Variants in GULP1 observed in about 807,000 individuals in gnomAD.
The protein encoded by GULP1 is GULP PTB domain containing engulfment adaptor 1.
In GULP1, 19 loss-of-function variants were observed where a neutral mutation model predicts 40.9. The ratio of observed to expected loss-of-function variants is 0.46; its 90% CI spans 0.32 to 0.68. The LOEUF (loss-of-function observed/expected upper bound fraction) is 0.68. GULP1 is among the 30% of genes least tolerant of loss of function. The probability of loss-of-function intolerance (pLI) is 0.03; values close to 1 mark genes in which losing one functional copy is unlikely to be tolerated. For missense variants in GULP1, 312 were observed against 362.2 expected (o/e 0.86, Z 1.12); for synonymous variants, 119 against 117.6 (o/e 1.01, Z -0.08).
intron 6 of GULP1, among the ~76,000 whole-genome samples, chr2:188,532,835 C>T (rs1575835058): frequency 1.3e-5 from 2 of 151,332 alleles, no homozygotes; most frequent in Non-Finnish European, 2.9e-5. Context: ...GCAGGAGAAT[C>T]GCTTGAACCC....
At chr2:188,355,145 A>G (rs984174964) in intron 1 of GULP1, among the ~76,000 whole-genome samples, 1 of 152,180 alleles carries the variant, frequency 6.6e-6, no homozygotes, top group Non-Finnish European at 1.5e-5. Flanking sequence ...CTAGAAAAGC[A>G]AGAACAAACC....
At chr2:188,359,685 G>A (rs2045839825) in intron 1 of GULP1, among the ~76,000 whole-genome samples, 1 of 152,094 alleles carries the variant, frequency 6.6e-6, no homozygotes. Context: ...TTATATTGAT[G>A]TACTATTAGT....
intron 1 of GULP1, among the ~76,000 whole-genome samples, chr2:188,300,633 A>G (rs1311822441): frequency 2.0e-5 from 3 of 152,192 alleles, no homozygotes; most frequent in Admixed American, 2.0e-4. Context: ...TGGCTTGACC[A>G]TTCTGTGAGA....
At chr2:188,401,836 A>T (rs1193424560) in intron 2 of GULP1, among the ~76,000 whole-genome samples, 1 of 152,148 alleles carries the variant, frequency 6.6e-6, no homozygotes, top group Non-Finnish European at 1.5e-5. Context: ...AGATCATTTT[A>T]TGTAAGTTGT....
chr2:188,418,449 T>G (rs983333677), intron 2 of GULP1, among the ~76,000 whole-genome samples: 10 of 152,012 alleles, frequency 6.6e-5, no homozygotes, highest in African/African-American at 2.2e-4. Context: ...CTGGGCAACA[T>G]GACAAAACCC....
intron 7 of GULP1, among the ~76,000 whole-genome samples, chr2:188,562,339 T>C (rs956186279): frequency 2.0e-5 from 3 of 152,136 alleles, no homozygotes; most frequent in African/African-American, 7.2e-5. Flanking sequence ...TCACTCACCC[T>C]TTTCCCATGT....
chr2:188,516,090 C>T (rs2065141636), intron 4 of GULP1, among the ~76,000 whole-genome samples: 1 of 151,992 alleles, frequency 6.6e-6, no homozygotes, highest in South Asian at 2.1e-4. Context: ...TGCTTTTATT[C>T]GTCATATCTG....
intron 9 of GULP1, among the ~76,000 whole-genome samples, chr2:188,574,761 A>C (rs368451009): frequency 4.7e-4 from 71 of 152,324 alleles, no homozygotes; most frequent in African/African-American, 1.6e-3. Context: ...TCCGTAATAC[A>C]AGACAATGAT....
At chr2:188,540,187 G>T (rs1354066806) in intron 6 of GULP1, among the ~76,000 whole-genome samples, 1 of 151,786 alleles carries the variant, frequency 6.6e-6, no homozygotes, top group Non-Finnish European at 1.5e-5. Context: ...GACTACAACA[G>T]AAAAAGGAAT....
chr2:188,479,156 C>T (rs557363164), intron 3 of GULP1, among the ~76,000 whole-genome samples: 107 of 152,088 alleles, frequency 7.0e-4, no homozygotes, highest in African/African-American at 2.5e-3. Flanking sequence ...AAATTACTAG[C>T]TTTTTTTGGT....
intron 1 of GULP1, among the ~76,000 whole-genome samples, chr2:188,305,305 G>C (rs185047538): frequency 2.1e-4 from 32 of 152,274 alleles, no homozygotes; most frequent in African/African-American, 7.5e-4. Flanking sequence ...CTATCCAGAA[G>C]GATGCTCTCT....
In GULP1 at chr2:188,469,596, T is replaced by G. The variant is rs142520508; in HGVS notation, c.-44-8063T>G. 4.1e-4 allele frequency among the ~76,000 whole-genome samples: 62 copies of G among 151,848 alleles called. No individual in the cohort carries two copies. The East Asian group carries it at 8.9e-3, about 22-fold the overall frequency. On this transcript the variant is annotated intron_variant, in intron 2 of 11. Coordinates refer to ENST00000409830, the MANE Select transcript of GULP1 (RefSeq NM_016315.4). ...TGGTGTGAGCAGGAGCAAGAGAGAG[T>G]GAATAGCAGTGGTGAAAGTGTGCAT...
intron 1 of GULP1, among the ~76,000 whole-genome samples, chr2:188,341,091 T>A (rs1416969530): frequency 1.3e-5 from 2 of 152,100 alleles, no homozygotes; most frequent in Non-Finnish European, 2.9e-5. Context: ...TGTTCTCACT[T>A]TGGGCTGTGG....
chr2:188,373,508 T>C (rs1366293728), intron 1 of GULP1, among the ~76,000 whole-genome samples: 3 of 151,990 alleles, frequency 2.0e-5, no homozygotes, highest in African/African-American at 7.2e-5. Flanking sequence ...GATTTACTTT[T>C]CCAGTTCCAT....
At chr2:188,412,625 G>A (rs2054052839) in intron 2 of GULP1, among the ~76,000 whole-genome samples, 1 of 152,268 alleles carries the variant, frequency 6.6e-6, no homozygotes, top group Non-Finnish European at 1.5e-5. Context: ...TTACGATACT[G>A]TTGAAGTGGT....
intron 9 of GULP1, among the ~76,000 whole-genome samples, chr2:188,582,889 T>A (rs1701609527): frequency 6.6e-6 from 1 of 152,008 alleles, no homozygotes; most frequent in Non-Finnish European, 1.5e-5. Flanking sequence ...TTGATAAGAG[T>A]TAAAGATAGA....
chr2:188,413,623 CCTCCGAATATCAGT>C (rs1025318307), intron 2 of GULP1, among the ~76,000 whole-genome samples: 26 of 152,068 alleles, frequency 1.7e-4, no homozygotes, highest in African/African-American at 6.3e-4. Flanking sequence ...AATTATTTTT[CCTCCGAATATCAGT>C]CTTTCCTAAC....
intron 1 of GULP1, among the ~76,000 whole-genome samples, chr2:188,330,960 A>T (rs1293341864): frequency 6.6e-6 from 1 of 152,182 alleles, no homozygotes; most frequent in Non-Finnish European, 1.5e-5. Context: ...TTTGAACCAC[A>T]AGATCACCAG....
At chr2:188,569,887 A>C (rs1245956901) in intron 8 of GULP1, 141 bp from the exon 9 acceptor site, 2 of 526,420 alleles carry the variant, frequency 3.8e-6, no homozygotes, top group Non-Finnish European at 6.8e-6. Flanking sequence ...GCATTTCCCA[A>C]GCTTTATCAA....
Sources: allele counts gnomAD v4.1 joint callset (sites outside exome capture counted in the v4.1 genomes callset), GRCh38; gene constraint gnomAD v4.1.1; transcripts MANE v1.5; gene names NCBI Gene and HGNC (gene_info 2026-07-23, HGNC 2026-07-21).